The following UTRN variants were observed in gnomAD, a reference collection of about 807,000 sequenced individuals.
UTRN encodes dystrophin-related protein 1.
A neutral mutation model predicts 463.9 loss-of-function variants in UTRN; 283 were observed. The ratio of observed to expected loss-of-function variants is 0.61; its 90% confidence interval spans 0.55 to 0.67. UTRN has a LOEUF of 0.67. Ranked by LOEUF, UTRN falls within the 30% of genes least tolerant of loss-of-function variation. The pLI, the probability that UTRN is intolerant of heterozygous loss-of-function variation, is 0.00. For synonymous variants in UTRN, 1,442 were observed against 1,431.5 expected (o/e 1.01, Z -0.17); for missense variants, 3,922 against 4,084.3 (o/e 0.96, Z 1.08).
intron 53 of UTRN, among the ~76,000 whole-genome samples, chr6:144,703,525 ACTT>A (rs1325640223): frequency 6.6e-6 from 1 of 152,206 alleles, no homozygotes; most frequent in Non-Finnish European, 1.5e-5. Flanking sequence ...AGGAGCCACA[ACTT>A]CAGAGGTTGG....
chr6:144,332,351 TGTGAATGAATGAATGA>T lies in UTRN; in HGVS notation c.79+40461_79+40476del, dbSNP rs953014898. Among the ~76,000 whole-genome samples, 25 of 152,304 alleles carry T rather than the reference TGTGAATGAATGAATGA, an allele frequency of 1.6e-4. 1 individual carries two copies. The highest frequency in any genetic ancestry group is 4.8e-4 in the African/African-American group (20 of 41,556). On this transcript the variant is annotated intron_variant, in intron 2 of 74. Coordinates refer to ENST00000367545, the MANE Select transcript of UTRN (RefSeq NM_007124.3). ...CTGTTCTGTAGGGATGATAGATCCT[TGTGAATGAATGAATGA>T]GTGAATGAATGAATGAAAAGGCGGA... is the stretch of plus-strand genomic sequence containing the variant.
At chr6:144,705,840 T>G (rs1330829502) in intron 53 of UTRN, among the ~76,000 whole-genome samples, 1 of 151,894 alleles carries the variant, frequency 6.6e-6, no homozygotes, top group African/African-American at 2.4e-5. Flanking sequence ...CTTTACCAAT[T>G]GCCAAGAGTA....
At chr6:144,739,909 C>A (rs1274588283) in intron 54 of UTRN, among the ~76,000 whole-genome samples, 2 of 152,128 alleles carry the variant, frequency 1.3e-5, no homozygotes, top group African/African-American at 4.8e-5. Context: ...AGAATCCAAT[C>A]CCATAAAGGA....
At chr6:144,687,339 T>C (rs1431129883) in intron 52 of UTRN, among the ~76,000 whole-genome samples, 1 of 152,062 alleles carries the variant, frequency 6.6e-6, no homozygotes, top group Non-Finnish European at 1.5e-5. Flanking sequence ...AGGATTCTTA[T>C]AGACTCAAGG....
intron 53 of UTRN, among the ~76,000 whole-genome samples, chr6:144,709,895 T>G (rs1052264683): frequency 6.6e-6 from 1 of 152,212 alleles, no homozygotes; most frequent in Admixed American, 6.5e-5. Context: ...ATAAATGATT[T>G]AATGACTCCT....
intron 51 of UTRN, among the ~76,000 whole-genome samples, chr6:144,642,202 T>C (rs1038656943): frequency 1.3e-5 from 2 of 152,182 alleles, no homozygotes; most frequent in African/African-American, 4.8e-5. Flanking sequence ...AAATACCCAG[T>C]ATTATGAGCC....
At chr6:144,745,941 C>T (rs1188457078) in intron 54 of UTRN, among the ~76,000 whole-genome samples, 1 of 151,236 alleles carries the variant, frequency 6.6e-6, no homozygotes, top group African/African-American at 2.4e-5. Flanking sequence ...TTAGACATAA[C>T]ATTTTATATT....
At chr6:144,365,725 A>T (rs1264270929) in intron 2 of UTRN, among the ~76,000 whole-genome samples, 5 of 152,138 alleles carry the variant, frequency 3.3e-5, no homozygotes. Context: ...CATTTCGTTC[A>T]TGGAAGGAAG....
At chr6:144,540,783 C>T (rs1797916376) in intron 45 of UTRN, among the ~76,000 whole-genome samples, 1 of 152,176 alleles carries the variant, frequency 6.6e-6, no homozygotes, top group South Asian at 2.1e-4. Context: ...ACCTCAGTCA[C>T]CATTAGCAGC....
At chr6:144,829,385 T>C (rs1488070447) in intron 69 of UTRN, among the ~76,000 whole-genome samples, 2 of 152,164 alleles carry the variant, frequency 1.3e-5, no homozygotes, top group Non-Finnish European at 2.9e-5. Flanking sequence ...TTTAGAATAC[T>C]AAAAAGATAT....
chr6:144,322,809 G>A (rs1356834495), intron 2 of UTRN, among the ~76,000 whole-genome samples: 2 of 152,080 alleles, frequency 1.3e-5, no homozygotes, highest in African/African-American at 4.8e-5. Context: ...CAGGCGTGGT[G>A]GCGGGCTCCT....
intron 3 of UTRN, among the ~76,000 whole-genome samples, chr6:144,415,125 G>T (rs1387120351): frequency 1.3e-5 from 2 of 152,094 alleles, no homozygotes; most frequent in African/African-American, 4.8e-5. Flanking sequence ...TGCTCTATAG[G>T]TTTGTAGCCT....
chr6:144,550,869 AAAC>A (rs1798847056), intron 47 of UTRN, 93 bp from the exon 48 acceptor site: 1 of 1,101,282 alleles, frequency 9.1e-7, no homozygotes, highest in Non-Finnish European at 1.3e-6. Context: ...TAGAGGAGGA[AAAC>A]AACGACAACT....
intron 34 of UTRN, among the ~76,000 whole-genome samples, chr6:144,500,039 A>G (rs1015584602): frequency 5.3e-5 from 8 of 152,180 alleles, no homozygotes; most frequent in African/African-American, 1.7e-4. Flanking sequence ...GGTTGATGAC[A>G]TGTCCTTGCT....
chr6:144,752,198 G>C (rs1414450511), intron 56 of UTRN, among the ~76,000 whole-genome samples: 1 of 152,072 alleles, frequency 6.6e-6, no homozygotes, highest in Non-Finnish European at 1.5e-5. Flanking sequence ...ATTGCAAAAG[G>C]TTAAATAAAT....
At chr6:144,645,524 G>A (rs1339809556) in intron 51 of UTRN, among the ~76,000 whole-genome samples, 1 of 152,120 alleles carries the variant, frequency 6.6e-6, no homozygotes, top group African/African-American at 2.4e-5. Context: ...GTCATAAAAC[G>A]ATACTTTGCA....
At chr6:144,485,593 A>G in intron 28 of UTRN, 74 bp downstream of exon 28, 1 of 1,584,656 alleles carries the variant, frequency 6.3e-7, no homozygotes, top group Non-Finnish European at 8.6e-7. Flanking sequence ...TGAGGAATGT[A>G]ATGCTTTACG....
rs1789400717 is a variant in UTRN at position 144,736,387 on chromosome 6, C to T, written c.7939+5901C>T. On this transcript the variant is annotated intron_variant, in intron 54 of 74. Transcript: ENST00000367545. The stretch of plus-strand genomic sequence containing the variant: ...AGGACATACCAAGATGGAGTCACCT[C>T]TTTTCTTTTAGGTAACCATTCTAGA... Among the ~76,000 whole-genome samples, 4 of 152,156 alleles carry T rather than the reference C, an allele frequency of 2.6e-5. No individual in the cohort carries two copies. The South Asian group carries it at 8.3e-4, about 32-fold the overall frequency.
intron 66 of UTRN, among the ~76,000 whole-genome samples, chr6:144,823,882 T>G (rs527870040): frequency 9.2e-5 from 14 of 151,934 alleles, no homozygotes; most frequent in African/African-American, 3.4e-4. Context: ...TAAAGGGGAG[T>G]AAATGAGTTT....
Sources: allele counts gnomAD v4.1 joint callset (sites outside exome capture counted in the v4.1 genomes callset), GRCh38; gene constraint gnomAD v4.1.1; transcripts MANE v1.5; gene names NCBI Gene and HGNC (gene_info 2026-07-23, HGNC 2026-07-21).